Variants in NR6A1 observed in about 807,000 individuals in gnomAD.
NR6A1 encodes retinoic acid receptor-related testis-associated receptor.
In NR6A1, 7 loss-of-function variants were observed where a neutral mutation model predicts 59.1. The observed-to-expected ratio is 0.12, with a 90% CI of 0.07 to 0.22. NR6A1 has a LOEUF of 0.22. Ranked by LOEUF, NR6A1 falls within the 10% of genes least tolerant of loss-of-function variation. The pLI is 1.00. For synonymous variants in NR6A1, 243 were observed against 236.1 expected, an observed-to-expected ratio of 1.03 and a Z score of -0.27; for missense variants, 468 against 611.6, an observed-to-expected ratio of 0.77 and a Z score of 2.48.
At chr9:124,735,216 G>C (rs1202531737) in intron 1 of NR6A1, among the ~76,000 whole-genome samples, 1 of 152,116 alleles carries the variant, frequency 6.6e-6, no homozygotes, top group Non-Finnish European at 1.5e-5. Flanking sequence ...TTGCCTTTCT[G>C]TGAGTCCTCC....
chr9:124,543,665 A>G lies in NR6A1; in HGVS notation c.441+137T>C, dbSNP rs76014565. On this transcript the variant is annotated intron_variant, in intron 4 of 9. Coordinates refer to ENST00000487099, the MANE Select transcript of NR6A1 (RefSeq NM_033334.4). Reference sequence around the variant, plus strand: ...CAAAGCACTTTCACATCCAGGATGTAAAAGCACTTTTACAGAAATGAAAGC... The same window carrying G: ...CAAAGCACTTTCACATCCAGGATGTGAAAGCACTTTTACAGAAATGAAAGC... 3.4e-3 allele frequency: 2,033 copies of G among 591,260 alleles called. 33 individuals carry two copies. The African/African-American group carries it at 0.035, about 10-fold the overall frequency. The allele number at this position is 591,260 out of a possible 1,614,324, so 36.6% of individuals were successfully genotyped here. A position where few individuals can be genotyped will look rare whatever the true frequency, so the allele number is the denominator to read the frequency against.
intron 2 of NR6A1, among the ~76,000 whole-genome samples, 162 bp from the exon 3 acceptor site, chr9:124,554,732 G>A (rs1373536780): frequency 6.6e-6 from 1 of 152,120 alleles, no homozygotes; most frequent in Non-Finnish European, 1.5e-5. Flanking sequence ...AGTAGTCCCT[G>A]TATCTGTGGT....
chr9:124,717,271 TA>T (rs1307866867), intron 2 of NR6A1, among the ~76,000 whole-genome samples: 1 of 152,184 alleles, frequency 6.6e-6, no homozygotes, highest in Non-Finnish European at 1.5e-5. Context: ...CACAGGTCCA[TA>T]AAAACCTTAT....
chr9:124,625,289 C>T (rs913788586), intron 2 of NR6A1, among the ~76,000 whole-genome samples: 4 of 152,080 alleles, frequency 2.6e-5, no homozygotes, highest in East Asian at 1.9e-4. Flanking sequence ...CTGTGAAGAT[C>T]GGTTGAGATA....
Position 124,661,855 on chromosome 9 carries a change from T to C in NR6A1, c.142+71453A>G, listed in dbSNP as rs1180259315. ...TACACACCACATTTCAAGCACTCAATAGCCTCATGTGACTATCATATGGGA... is the reference window on the plus strand; with the variant it reads ...TACACACCACATTTCAAGCACTCAACAGCCTCATGTGACTATCATATGGGA... On this transcript the variant is annotated intron_variant, in intron 2 of 9. Coordinates refer to ENST00000487099, the MANE Select transcript of NR6A1 (RefSeq NM_033334.4). Among the ~76,000 whole-genome samples the C allele has an allele frequency of 2.6e-5, 4 of 152,204 alleles. No individual in the cohort carries two copies. In the South Asian group the frequency reaches 6.2e-4, roughly 24 times the overall value.
chr9:124,719,123 AGG>A (rs1010872072), intron 2 of NR6A1, among the ~76,000 whole-genome samples: 3 of 151,910 alleles, frequency 2.0e-5, no homozygotes, highest in Non-Finnish European at 4.4e-5. Context: ...GGGTGGAGAC[AGG>A]GTCTCACTCT....
chr9:124,674,743 G>A (rs1304400598), intron 2 of NR6A1, among the ~76,000 whole-genome samples: 1 of 152,092 alleles, frequency 6.6e-6, no homozygotes, highest in Non-Finnish European at 1.5e-5. Context: ...TCAAAAATGG[G>A]AGGAAAAAAG....
intron 3 of NR6A1, among the ~76,000 whole-genome samples, chr9:124,550,990 G>C (rs901386714): frequency 6.6e-6 from 1 of 152,086 alleles, no homozygotes; most frequent in Non-Finnish European, 1.5e-5. Context: ...TTGTTCCACC[G>C]TTGGCCATCA....
intron 2 of NR6A1, among the ~76,000 whole-genome samples, chr9:124,688,368 T>C (rs190856165): frequency 6.6e-6 from 1 of 152,120 alleles, no homozygotes; most frequent in African/African-American, 2.4e-5. Flanking sequence ...GTGGTCTCTC[T>C]CTCAGAATAT....
chr9:124,680,988 G>A (rs1003511269), intron 2 of NR6A1, among the ~76,000 whole-genome samples: 8 of 152,146 alleles, frequency 5.3e-5, no homozygotes, highest in Non-Finnish European at 1.0e-4. Flanking sequence ...AAAAAAGGAG[G>A]GAAAGCCATT....
chr9:124,544,905 G>A (rs1487765763), intron 3 of NR6A1, among the ~76,000 whole-genome samples: 2 of 152,192 alleles, frequency 1.3e-5, no homozygotes, highest in African/African-American at 4.8e-5. Context: ...CAGCCACTGT[G>A]GAGGGTAGCT....
intron 2 of NR6A1, among the ~76,000 whole-genome samples, chr9:124,730,351 T>C (rs767349672): frequency 2.6e-5 from 4 of 151,944 alleles, no homozygotes; most frequent in Non-Finnish European, 5.9e-5. Context: ...CCTCACCTTC[T>C]CAAGTAGGTG....
At chr9:124,562,181 A>G (rs1379848378) in intron 2 of NR6A1, among the ~76,000 whole-genome samples, 1 of 152,240 alleles carries the variant, frequency 6.6e-6, no homozygotes, top group Non-Finnish European at 1.5e-5. Flanking sequence ...AAGAGCTGAT[A>G]TAGTTCACTA....
intron 9 of NR6A1, among the ~76,000 whole-genome samples, chr9:124,523,431 T>C (rs952523858): frequency 1.4e-4 from 22 of 152,168 alleles, no homozygotes; most frequent in Non-Finnish European, 2.5e-4. Flanking sequence ...CTGAGTGACC[T>C]GGGGAGCCGT....
chr9:124,573,817 G>A (rs776856479), intron 2 of NR6A1, among the ~76,000 whole-genome samples: 4 of 152,042 alleles, frequency 2.6e-5, no homozygotes, highest in Non-Finnish European at 4.4e-5. Flanking sequence ...TTTTAAAGCC[G>A]TAACATATAT....
chr9:124,627,075 T>G (rs1836265447), intron 2 of NR6A1, among the ~76,000 whole-genome samples: 2 of 152,238 alleles, frequency 1.3e-5, no homozygotes, highest in South Asian at 4.1e-4. Context: ...AATACAACAT[T>G]TCTTGAGCAC....
At position 124,526,883 on chromosome 9, in the gene NR6A1, A is replaced by G; in HGVS notation, c.1097T>C (p.Met366Thr). Residue 366 changes from methionine (M) to threonine (T), a missense_variant, in exon 8 of 10, where the codon ATG becomes ACG. Met to Thr is a moderately conservative substitution (Grantham distance 81, BLOSUM62 -1). This residue lies in a region of NR6A1 where 176 missense variants were observed against 264.0 expected (regional missense o/e 0.67). Transcript: ENST00000487099. ...GTAGATGAGCCGCTCGATCACCTCC[A>G]TCCCTTCATCACTAAATCTGAGGAA... ...EELHRFSDEG[M>T]EVIERLIYLY... 1.2e-6 allele frequency: 2 copies of G among 1,614,004 alleles called. No homozygotes were observed. The highest frequency in any genetic ancestry group is 1.7e-6 in the Non-Finnish European group (2 of 1,179,880).
At chr9:124,593,991 C>A (rs1835202519) in intron 2 of NR6A1, among the ~76,000 whole-genome samples, 1 of 152,180 alleles carries the variant, frequency 6.6e-6, no homozygotes, top group African/African-American at 2.4e-5. Flanking sequence ...ATAGAGTTAA[C>A]CCTCTGTGAA....
At chr9:124,749,014 G>A (rs990530348) in intron 1 of NR6A1, among the ~76,000 whole-genome samples, 1 of 152,212 alleles carries the variant, frequency 6.6e-6, no homozygotes, top group African/African-American at 2.4e-5. Context: ...TGTAACCCCA[G>A]CACTTTGGGA....
Sources: allele counts gnomAD v4.1 joint callset (sites outside exome capture counted in the v4.1 genomes callset), GRCh38; gene constraint gnomAD v4.1.1; regional missense constraint gnomAD v4.1.1; transcripts MANE v1.5; gene names NCBI Gene and HGNC (gene_info 2026-07-23, HGNC 2026-07-21).